The following FNBP1L variants were observed in gnomAD, a reference collection of about 807,000 sequenced individuals.
FNBP1L encodes the protein formin-binding protein 1-like.
In FNBP1L, 36 loss-of-function variants were observed where a neutral mutation model predicts 91.2. The observed-to-expected ratio is 0.39, with a 90% CI of 0.30 to 0.52. The LOEUF is 0.52. FNBP1L is among the 20% of genes least tolerant of loss of function. FNBP1L has a pLI of 0.66. For synonymous variants in FNBP1L, 242 were observed against 237.0 expected (o/e 1.02, Z -0.19); for missense variants, 571 against 732.1 (o/e 0.78, Z 2.54).
intron 2 of FNBP1L, among the ~76,000 whole-genome samples, chr1:93,507,901 G>A (rs973106902): frequency 7.3e-5 from 11 of 150,592 alleles, no homozygotes; most frequent in East Asian, 2.0e-4. Flanking sequence ...CACCTGCCTC[G>A]GCCTCCCAAA....
intron 12 of FNBP1L, 73 bp downstream of exon 12, chr1:93,544,289 A>G (rs941690748): frequency 2.1e-6 from 2 of 949,882 alleles, no homozygotes; most frequent in Admixed American, 2.7e-5. Flanking sequence ...TAAATGTGAT[A>G]TACAGAAGGT....
At chr1:93,496,754 C>T (rs1467975970) in intron 1 of FNBP1L, among the ~76,000 whole-genome samples, 1 of 152,034 alleles carries the variant, frequency 6.6e-6, no homozygotes, top group East Asian at 1.9e-4. Flanking sequence ...TGATCTCGAA[C>T]TCCTGGCCTC....
At chr1:93,473,300 T>C (rs759436212) in intron 1 of FNBP1L, among the ~76,000 whole-genome samples, 5 of 152,232 alleles carry the variant, frequency 3.3e-5, no homozygotes, top group Non-Finnish European at 7.3e-5. Flanking sequence ...ATTTGGAACA[T>C]TATCTGTGTG....
At position 93,530,738 on chromosome 1, in the gene FNBP1L, G is replaced by T; in HGVS notation, c.511-17G>T. ...TGATTTTGTTGTTGATAATAATTTC[G>T]ACCATTTTGCCCCTAGGCCAAACAG... On this transcript the variant is annotated splice_polypyrimidine_tract_variant and intron_variant, in intron 6 of 16. Transcript: ENST00000271234. 1.3e-6 allele frequency: 2 copies of T among 1,590,364 alleles called. No individual in the cohort carries two copies. The highest frequency in any genetic ancestry group is 2.3e-5 in the South Asian group (2 of 85,648).
intron 12 of FNBP1L, 138 bp from the exon 13 acceptor site, chr1:93,546,704 G>A (rs1345316039): frequency 2.4e-6 from 2 of 827,886 alleles, no homozygotes; most frequent in Non-Finnish European, 3.8e-6. Context: ...CTTTAATCAG[G>A]TCATGTTAGA....
chr1:93,522,076 C>A lies in FNBP1L; in HGVS notation c.141-6C>A. On this transcript the variant is annotated splice_polypyrimidine_tract_variant and splice_region_variant and intron_variant, in intron 2 of 16. Coordinates refer to ENST00000271234, the MANE Select transcript of FNBP1L (RefSeq NM_001164473.3). ...TAATAAACTTTAAAAAATCTTCTTC[C>A]TATAGAAATCTGGTTAAGAAGTACT... 6.7e-7 allele frequency: 1 copy of A among 1,501,810 alleles called. No individual in the cohort carries two copies. The highest frequency in any genetic ancestry group is 8.9e-7 in the Non-Finnish European group (1 of 1,123,056). The allele number at this position is 1,501,810 out of a possible 1,614,324, so 93.0% of individuals were successfully genotyped here.
intron 11 of FNBP1L, 36 bp from the exon 12 acceptor site, chr1:93,544,071 A>C (rs768637532): frequency 2.8e-5 from 41 of 1,457,970 alleles, no homozygotes; most frequent in Non-Finnish European, 3.8e-5. Flanking sequence ...AATTTCCCGA[A>C]AATGTCTATT....
intron 8 of FNBP1L, among the ~76,000 whole-genome samples, chr1:93,533,759 C>G (rs1318830249): frequency 6.6e-6 from 1 of 152,070 alleles, no homozygotes; most frequent in Admixed American, 6.6e-5. Flanking sequence ...ATAGAATTCT[C>G]ACTTAAATTT....
intron 3 of FNBP1L, 66 bp from the exon 4 acceptor site, chr1:93,523,278 C>G (rs1447531960): frequency 3.3e-6 from 5 of 1,497,670 alleles, no homozygotes; most frequent in Non-Finnish European, 3.6e-6. Flanking sequence ...AGATTCAGTC[C>G]ATACCTCACC....
At chr1:93,533,589 T>C (rs911430068) in intron 8 of FNBP1L, among the ~76,000 whole-genome samples, 4 of 152,260 alleles carry the variant, frequency 2.6e-5, no homozygotes, top group African/African-American at 4.8e-5. Flanking sequence ...TAAATGTTGA[T>C]TGAGTGATCA....
chr1:93,536,656 A>G (rs1277696701), intron 10 of FNBP1L, among the ~76,000 whole-genome samples, 166 bp downstream of exon 10: 4 of 152,144 alleles, frequency 2.6e-5, no homozygotes, highest in African/African-American at 7.2e-5. Context: ...TCCTCTTTAT[A>G]ACATTTGAAA....
At chr1:93,525,069 A>G (rs965083488) in intron 5 of FNBP1L, among the ~76,000 whole-genome samples, 2 of 44,676 alleles carry the variant, frequency 4.5e-5, no homozygotes, top group Non-Finnish European at 1.0e-4. Flanking sequence ...GATTAGAGTC[A>G]AAAAAAAAAA....
At chr1:93,449,191 G>A (rs752159681) in intron 1 of FNBP1L, among the ~76,000 whole-genome samples, 2 of 152,154 alleles carry the variant, frequency 1.3e-5, no homozygotes, top group Admixed American at 6.5e-5. Flanking sequence ...GTCTGGCCAA[G>A]GTACGGGCGG....
intron 2 of FNBP1L, among the ~76,000 whole-genome samples, chr1:93,500,461 A>AGG (rs1389384551): frequency 3.9e-5 from 6 of 152,140 alleles, no homozygotes; most frequent in African/African-American, 1.4e-4. Context: ...GGAGAAAGGA[A>AGG]GGGAGGGAAA....
chr1:93,458,787 A>G (rs1429878469), intron 1 of FNBP1L, among the ~76,000 whole-genome samples: 1 of 152,214 alleles, frequency 6.6e-6, no homozygotes, highest in African/African-American at 2.4e-5. Flanking sequence ...AGAAATAAAC[A>G]TTCACATAAC....
At chr1:93,550,903 AT>A in intron 15 of FNBP1L, 43 bp from the exon 16 acceptor site, 1 of 1,468,272 alleles carries the variant, frequency 6.8e-7, no homozygotes, top group Non-Finnish European at 9.1e-7. Flanking sequence ...TTTAAAAAAA[AT>A]TATCACAATG....
intron 1 of FNBP1L, chr1:93,488,281 G>A (rs1393908627): frequency 1.3e-5 from 2 of 152,102 alleles, no homozygotes; most frequent in African/African-American, 4.8e-5. Context: ...GTGTATGTGT[G>A]TATTGTGTGT....
chr1:93,515,724 A>G (rs1671075321), intron 2 of FNBP1L, among the ~76,000 whole-genome samples: 2 of 129,798 alleles, frequency 1.5e-5, no homozygotes, highest in Admixed American at 9.3e-5. Flanking sequence ...ATGAGAACAC[A>G]TGGACACAGG....
chr1:93,498,787 T>C (rs1670350422), intron 1 of FNBP1L, among the ~76,000 whole-genome samples: 1 of 152,220 alleles, frequency 6.6e-6, no homozygotes, highest in Non-Finnish European at 1.5e-5. Context: ...ATTATCATGT[T>C]TCCTGCATTG....
Sources: allele counts gnomAD v4.1 joint callset (sites outside exome capture counted in the v4.1 genomes callset), GRCh38; gene constraint gnomAD v4.1.1; transcripts MANE v1.5; gene names NCBI Gene and HGNC (gene_info 2026-07-23, HGNC 2026-07-21).